The following SLC3A1 variants were observed in gnomAD, a reference collection of about 807,000 sequenced individuals.
SLC3A1 encodes the protein solute carrier family 3 member 1.
In SLC3A1, 78 loss-of-function variants were observed where a neutral mutation model predicts 60.3. The ratio of observed to expected loss-of-function variants is 1.29; its 90% CI spans 1.08 to 1.56. The LOEUF is 1.56. Ranked by LOEUF, SLC3A1 falls within the 40% of genes most tolerant of loss-of-function variation. SLC3A1 has a pLI of 0.00. For synonymous variants in SLC3A1, 392 were observed against 307.9 expected (o/e 1.27, Z -2.86); for missense variants, 1,172 against 858.9 (o/e 1.36, Z -4.56).
At chr2:44,308,255 T>C (rs1343184528) in intron 7 of SLC3A1, among the ~76,000 whole-genome samples, 1 of 152,232 alleles carries the variant, frequency 6.6e-6, no homozygotes, top group African/African-American at 2.4e-5. Flanking sequence ...TAGTGTAGCT[T>C]AGTAAGTTTT....
chr2:44,322,006 G>A, downstream of SLC3A1: 2 of 1,203,716 alleles, frequency 1.7e-6, no homozygotes, highest in South Asian at 1.7e-5. Flanking sequence ...TCAAATAATA[G>A]TAAAGGAATA....
intron 9 of SLC3A1, chr2:44,319,383 A>G (rs746233676): frequency 2.0e-5 from 3 of 152,624 alleles, no homozygotes; most frequent in Non-Finnish European, 4.4e-5. Flanking sequence ...AAGTAATACA[A>G]AAATGGGGGG....
intron 9 of SLC3A1, 26 bp from the exon 10 acceptor site, chr2:44,320,173 A>G (rs1672803277): frequency 3.2e-6 from 5 of 1,558,544 alleles, no homozygotes; most frequent in Non-Finnish European, 4.4e-6. Flanking sequence ...TCAAACACTT[A>G]CGTAAATACT....
intron 3 of SLC3A1, chr2:44,285,426 T>C (rs1671590727): frequency 3.3e-6 from 1 of 307,436 alleles, no homozygotes; most frequent in African/African-American, 2.2e-5. Flanking sequence ...TGGCCAGAGA[T>C]GTGGGAGGGC....
downstream of SLC3A1, chr2:44,322,033 A>C: frequency 1.2e-6 from 1 of 859,758 alleles, no homozygotes; most frequent in Non-Finnish European, 1.7e-6. Context: ...AAAAACCACC[A>C]TCATCAACAA....
At chr2:44,292,804 G>C (rs968979290) in intron 4 of SLC3A1, among the ~76,000 whole-genome samples, 5 of 152,156 alleles carry the variant, frequency 3.3e-5, no homozygotes, top group African/African-American at 1.2e-4. Context: ...AGACTAGAGA[G>C]GTCACTGGGG....
intron 1 of SLC3A1, among the ~76,000 whole-genome samples, chr2:44,277,456 A>G (rs1671375213): frequency 6.6e-6 from 1 of 152,152 alleles, no homozygotes; most frequent in East Asian, 1.9e-4. Context: ...TCATTGAAGA[A>G]GAGTGTATCT....
At chr2:44,301,738 CAAAA>C (rs10657360) in intron 6 of SLC3A1, among the ~76,000 whole-genome samples, 2 of 93,464 alleles carry the variant, frequency 2.1e-5, no homozygotes. Flanking sequence ...GACTCCATCA[CAAAA>C]AAAAAAAAAA....
At position 44,312,747 on chromosome 2, in the gene SLC3A1, T is replaced by C. The variant is rs141515737; in HGVS notation, c.1494T>C (p.Tyr498=). The change falls in exon 8 of 10, where the codon TAT becomes TAC. Residue 498 remains tyrosine, a synonymous_variant. Transcript: ENST00000260649. ...NIVAANLNES[Y]DINTLRSKSP... is the part of the protein sequence containing the mutation. ...TAGCCGCAAATCTCAATGAAAGCTATGATATTGTAAGTTGAATACAACTTG... is the reference window on the plus strand; with the variant it reads ...TAGCCGCAAATCTCAATGAAAGCTACGATATTGTAAGTTGAATACAACTTG... The C allele has an allele frequency of 1.5e-5, 24 of 1,608,564 alleles. 1 individual carries two copies. The highest frequency in any genetic ancestry group is 2.0e-5 in the Non-Finnish European group (24 of 1,178,836).
chr2:44,291,977 C>G (rs1215557466), intron 4 of SLC3A1, among the ~76,000 whole-genome samples: 2 of 152,178 alleles, frequency 1.3e-5, no homozygotes, highest in Non-Finnish European at 2.9e-5. Flanking sequence ...AAAACCTTCT[C>G]TGAGGTATCA....
chr2:44,321,940 G>T, downstream of SLC3A1: 1 of 1,574,866 alleles, frequency 6.3e-7, no homozygotes. Context: ...AAGATTGTAT[G>T]GGATCTTCTT....
chr2:44,313,815 T>C lies in SLC3A1; in HGVS notation c.1501-20T>C, dbSNP rs1672356981. The C allele has an allele frequency of 1.3e-6, 2 of 1,574,932 alleles. No homozygotes were observed. Among genetic ancestry groups the C allele is most frequent in the Non-Finnish European group, 1.7e-6 (2 of 1,144,294 alleles). The stretch of plus-strand genomic sequence containing the variant: ...CTAATAACCAAACCACTGTTTTCCC[T>C]TTCTGGTCTTTTGACATAGAATACC... On this transcript the variant is annotated intron_variant, in intron 8 of 9. Transcript: ENST00000260649.
At chr2:44,305,934 TTC>T (rs1013413900) in intron 7 of SLC3A1, among the ~76,000 whole-genome samples, 2 of 152,104 alleles carry the variant, frequency 1.3e-5, no homozygotes, top group Non-Finnish European at 2.9e-5. Flanking sequence ...CACCCGTTCA[TTC>T]TCTTTCCTTA....
chr2:44,296,551 C>T (rs764917661), intron 4 of SLC3A1, among the ~76,000 whole-genome samples: 1 of 152,056 alleles, frequency 6.6e-6, no homozygotes, highest in Non-Finnish European at 1.5e-5. Context: ...AGTTATTCAC[C>T]CCAGAACTTG....
At chr2:44,309,883 C>G (rs1411405925) in intron 7 of SLC3A1, among the ~76,000 whole-genome samples, 4 of 151,928 alleles carry the variant, frequency 2.6e-5, no homozygotes, top group African/African-American at 7.3e-5. Context: ...CAGGCATAAG[C>G]CACTGTGCCC....
At chr2:44,281,610 A>G in intron 3 of SLC3A1, 69 bp downstream of exon 3, 1 of 1,463,436 alleles carries the variant, frequency 6.8e-7, no homozygotes, top group Non-Finnish European at 9.6e-7. Context: ...CTGATTTAGT[A>G]AAACCCTTTT....
At chr2:44,294,665 T>G (rs1671811508) in intron 4 of SLC3A1, among the ~76,000 whole-genome samples, 1 of 152,154 alleles carries the variant, frequency 6.6e-6, no homozygotes, top group South Asian at 2.1e-4. Flanking sequence ...AGAGCTGGGT[T>G]GTACCCAGAG....
Position 44,320,221 on chromosome 2 carries a change from C to G in SLC3A1, c.1640C>G (p.Ser547Trp), listed in dbSNP as rs368796166. Reference sequence around the variant, plus strand: ...TAGGTCCAAAAGACTCAGCCCAGATCGGCTTTGAAGTTATATCAAGATTTA... The same window carrying G: ...TAGGTCCAAAAGACTCAGCCCAGATGGGCTTTGAAGTTATATCAAGATTTA... ...NVDVQKTQPR[S>W]ALKLYQDLSL... Residue 547 changes from serine to tryptophan, a missense_variant, in exon 10 of 10, where the codon TCG becomes TGG. Ser to Trp is a radical substitution (Grantham distance 177). Coordinates refer to ENST00000260649, the MANE Select transcript of SLC3A1 (RefSeq NM_000341.4). The G allele has an allele frequency of 8.1e-6, 13 of 1,613,580 alleles. No homozygotes were observed. Among genetic ancestry groups the G allele is most frequent in the Middle Eastern group, 3.3e-4 (2 of 6,076 alleles).
chr2:44,299,646 C>A lies in SLC3A1; in HGVS notation c.892-325C>A, dbSNP rs188235127. 3.3e-5 allele frequency among the ~76,000 whole-genome samples: 5 copies of A among 152,210 alleles called. No individual in the cohort carries two copies. The East Asian group carries it at 5.8e-4, about 18-fold the overall frequency. ...GAAACTTTCCTAGTTTATTCTGAGT[C>A]CTATCTTTTCTTATGGTTTCATTCT... On this transcript the variant is annotated intron_variant, in intron 4 of 9. Transcript: ENST00000260649.
Sources: allele counts gnomAD v4.1 joint callset (sites outside exome capture counted in the v4.1 genomes callset), GRCh38; gene constraint gnomAD v4.1.1; transcripts MANE v1.5; gene names NCBI Gene and HGNC (gene_info 2026-07-23, HGNC 2026-07-21).